Variants in MACROD2 observed in about 807,000 individuals in gnomAD.
MACROD2 encodes mono-ADP ribosylhydrolase 2.
MACROD2 carries 36 observed loss-of-function variants against 70.4 expected under a neutral mutation model. The observed-to-expected ratio is 0.51, with a 90% CI of 0.39 to 0.68. The LOEUF (loss-of-function observed/expected upper bound fraction) is 0.68, where lower values mean the gene tolerates loss of function less well. Ranked by LOEUF, MACROD2 falls within the 30% of genes least tolerant of loss-of-function variation. The probability of loss-of-function intolerance (pLI) is 0.00; values close to 1 mark genes in which losing one functional copy is unlikely to be tolerated. For missense variants in MACROD2, 496 were observed against 538.4 expected (o/e 0.92, Z 0.78); for synonymous variants, 172 against 178.8 (o/e 0.96, Z 0.30).
intron 5 of MACROD2, among the ~76,000 whole-genome samples, chr20:14,982,905 A>G (rs575889756): frequency 6.6e-6 from 1 of 152,290 alleles, no homozygotes; most frequent in African/African-American, 2.4e-5. Context: ...CCAGAATGGT[A>G]GATCCACTGA....
chr20:14,918,899 C>T (rs571375853), intron 5 of MACROD2, among the ~76,000 whole-genome samples: 1 of 152,204 alleles, frequency 6.6e-6, no homozygotes, highest in East Asian at 1.9e-4. Context: ...ATTTAAAGAA[C>T]TGTCTTTAGC....
At chr20:14,697,080 G>C (rs1220722032) in intron 5 of MACROD2, among the ~76,000 whole-genome samples, 1 of 152,172 alleles carries the variant, frequency 6.6e-6, no homozygotes, top group Non-Finnish European at 1.5e-5. Flanking sequence ...GTCTGAGAGA[G>C]TGGGTTTGGG....
intron 3 of MACROD2, among the ~76,000 whole-genome samples, chr20:14,327,797 T>C (rs1269790363): frequency 6.6e-6 from 1 of 152,068 alleles, no homozygotes; most frequent in Non-Finnish European, 1.5e-5. Flanking sequence ...CTAAATCCAT[T>C]TGATTTTGAA....
chr20:14,325,863 C>A (rs751124703), intron 3 of MACROD2: 1 of 1,613,942 alleles, frequency 6.2e-7, no homozygotes, highest in East Asian at 2.2e-5. Flanking sequence ...CATACCAACA[C>A]ACTAAAGCAA....
intron 2 of MACROD2, among the ~76,000 whole-genome samples, chr20:14,011,832 C>T (rs1405144847): frequency 6.6e-6 from 1 of 151,934 alleles, no homozygotes; most frequent in East Asian, 1.9e-4. Context: ...CCTGGCCTCC[C>T]CTATGATTTT....
chr20:15,151,308 A>G (rs1422968770), intron 5 of MACROD2, among the ~76,000 whole-genome samples: 1 of 151,858 alleles, frequency 6.6e-6, no homozygotes, highest in Non-Finnish European at 1.5e-5. Context: ...CTCCTGGGGG[A>G]GGAGGTTCTG....
At chr20:15,968,797 GTATATATATATATA>G (rs35259261) in intron 13 of MACROD2, among the ~76,000 whole-genome samples, 8,311 of 106,770 alleles carry the variant, frequency 0.078, 512 homozygotes, top group East Asian at 0.28. Flanking sequence ...TATATTATGC[GTATATATATATATA>G]TATATATATA....
rs368116170 is a variant in MACROD2 at position 14,755,518 on chromosome 20, A to G, written c.418+70559A>G. Among the ~76,000 whole-genome samples, 210 of 152,258 alleles carry G rather than the reference A, an allele frequency of 1.4e-3. 2 individuals are homozygous for G. The highest frequency in any genetic ancestry group is 4.7e-3 in the African/African-American group (195 of 41,522). The stretch of plus-strand genomic sequence containing the variant: ...CATTGGCTACGTGAATTTTTGATTA[A>G]TAAAGTCTAGTAAATTCATTGACTA... On this transcript the variant is annotated intron_variant, in intron 5 of 17. Coordinates refer to ENST00000684519, the MANE Select transcript of MACROD2 (RefSeq NM_001351661.2).
chr20:15,853,186 AG>A (rs1344169044), intron 8 of MACROD2, among the ~76,000 whole-genome samples: 2 of 152,142 alleles, frequency 1.3e-5, no homozygotes, highest in Non-Finnish European at 2.9e-5. Flanking sequence ...GCACCAGGGT[AG>A]GTGTTTTAGG....
At chr20:14,117,147 A>G (rs2054526390) in intron 3 of MACROD2, among the ~76,000 whole-genome samples, 1 of 152,128 alleles carries the variant, frequency 6.6e-6, no homozygotes, top group African/African-American at 2.4e-5. Context: ...CCCCTCAACA[A>G]TATTCTATTT....
chr20:15,699,617 C>A (rs895248219), intron 8 of MACROD2, among the ~76,000 whole-genome samples: 1 of 152,126 alleles, frequency 6.6e-6, no homozygotes, highest in Non-Finnish European at 1.5e-5. Context: ...GCCACAGCCC[C>A]GAGTTTGTTT....
At chr20:14,137,023 A>G (rs2054807120) in intron 3 of MACROD2, among the ~76,000 whole-genome samples, 1 of 152,184 alleles carries the variant, frequency 6.6e-6, no homozygotes. Context: ...ATGCATTGAG[A>G]TGTGCTTTAA....
At chr20:15,000,770 G>A (rs912815189) in intron 5 of MACROD2, among the ~76,000 whole-genome samples, 2 of 151,532 alleles carry the variant, frequency 1.3e-5, no homozygotes, top group East Asian at 3.9e-4. Context: ...AATTTCTGGA[G>A]CAAATATGGC....
intron 7 of MACROD2, among the ~76,000 whole-genome samples, chr20:15,461,006 A>ATATATATAT: frequency 4.5e-5 from 3 of 66,992 alleles, no homozygotes; most frequent in African/African-American, 1.3e-4. Context: ...ATATATATAT[A>ATATATATAT]TTTTTTTTTA....
chr20:14,386,082 T>C (rs2083465158), intron 3 of MACROD2, among the ~76,000 whole-genome samples: 1 of 152,230 alleles, frequency 6.6e-6, no homozygotes, highest in African/African-American at 2.4e-5. Context: ...CTTAATGCCA[T>C]ATATTATTTA....
At chr20:14,257,877 C>T (rs1421802287) in intron 3 of MACROD2, among the ~76,000 whole-genome samples, 1 of 138,952 alleles carries the variant, frequency 7.2e-6, no homozygotes, top group Non-Finnish European at 1.5e-5. Context: ...GTCTTGTATT[C>T]CTTGCCCCCT....
At chr20:15,458,682 T>C (rs2146408895) in intron 7 of MACROD2, among the ~76,000 whole-genome samples, 1 of 151,474 alleles carries the variant, frequency 6.6e-6, no homozygotes, top group South Asian at 2.1e-4. Context: ...AGGTGTCCAC[T>C]CAGTACTACC....
intron 5 of MACROD2, among the ~76,000 whole-genome samples, chr20:14,790,317 C>A (rs1332251671): frequency 6.6e-6 from 1 of 151,420 alleles, no homozygotes; most frequent in African/African-American, 2.4e-5. Flanking sequence ...TTGCTTTAGG[C>A]CAAAGGTCAA....
chr20:14,693,565 A>G (rs2071087204), intron 5 of MACROD2, among the ~76,000 whole-genome samples: 1 of 152,224 alleles, frequency 6.6e-6, no homozygotes, highest in Non-Finnish European at 1.5e-5. Context: ...TCGTGAATGT[A>G]TTAACTCTCC....
Sources: allele counts gnomAD v4.1 joint callset (sites outside exome capture counted in the v4.1 genomes callset), GRCh38; gene constraint gnomAD v4.1.1; transcripts MANE v1.5; gene names NCBI Gene and HGNC (gene_info 2026-07-23, HGNC 2026-07-21).